Variants in CNTNAP2 observed in about 807,000 individuals in gnomAD.
CNTNAP2 encodes the protein contactin-associated protein-like 2.
A neutral mutation model predicts 155.2 loss-of-function variants in CNTNAP2; 98 were observed. The ratio of observed to expected loss-of-function variants is 0.63; its 90% CI spans 0.54 to 0.75. The LOEUF (loss-of-function observed/expected upper bound fraction) is 0.75, where lower values mean the gene tolerates loss of function less well. Ranked by LOEUF, CNTNAP2 falls within the 30% of genes least tolerant of loss-of-function variation. CNTNAP2 has a pLI of 0.00. For synonymous variants in CNTNAP2, 651 were observed against 631.2 expected (o/e 1.03, Z -0.47); for missense variants, 1,727 against 1,688.1 (o/e 1.02, Z -0.40).
At chr7:148,132,498 G>A (rs991325973) in intron 16 of CNTNAP2, among the ~76,000 whole-genome samples, 1 of 151,522 alleles carries the variant, frequency 6.6e-6, no homozygotes, top group Non-Finnish European at 1.5e-5. Context: ...ACACCGCATT[G>A]TATATAGCAC....
At chr7:148,260,740 G>A (rs1414913071) in intron 20 of CNTNAP2, among the ~76,000 whole-genome samples, 5 of 152,218 alleles carry the variant, frequency 3.3e-5, no homozygotes. Context: ...CGTAATGGAG[G>A]CAAAGCTGCC....
At chr7:147,969,014 G>A (rs1394233140) in intron 14 of CNTNAP2, among the ~76,000 whole-genome samples, 1 of 152,120 alleles carries the variant, frequency 6.6e-6, no homozygotes, top group Non-Finnish European at 1.5e-5. Context: ...TTCCTTGTAG[G>A]GTTAAAACAG....
chr7:147,977,924 G>A lies in CNTNAP2; in HGVS notation c.2318G>A (p.Gly773Glu). The A allele has an allele frequency of 6.2e-7, 1 of 1,614,120 alleles. No individual in the cohort carries two copies. The highest frequency in any genetic ancestry group is 1.1e-5 in the South Asian group (1 of 91,086). The change falls in exon 15 of 24, where the codon GGA becomes GAA. Residue 773 changes from glycine to glutamate, a missense_variant. Transcript: ENST00000361727. ...CTGCCAGTGAGCCAAGTGGTGGTTG[G>A]AGATACTGACCGTCAAGGCTCAGAA... ...DHLPVSQVVVGDTDRQGSEAK... is the reference protein window; with the variant it reads ...DHLPVSQVVVEDTDRQGSEAK...
intron 21 of CNTNAP2, among the ~76,000 whole-genome samples, chr7:148,268,385 G>A (rs1283043607): frequency 6.6e-6 from 1 of 152,034 alleles, no homozygotes; most frequent in Admixed American, 6.6e-5. Flanking sequence ...TGGGCGTGGC[G>A]GCTCATGTCT....
intron 1 of CNTNAP2, among the ~76,000 whole-genome samples, chr7:146,358,920 G>T (rs1018070693): frequency 2.6e-5 from 4 of 152,160 alleles, no homozygotes; most frequent in African/African-American, 9.7e-5. Flanking sequence ...AAAATCAGGG[G>T]CTTGATACAT....
At chr7:147,701,572 GC>G (rs1796236757) in intron 13 of CNTNAP2, among the ~76,000 whole-genome samples, 1 of 152,036 alleles carries the variant, frequency 6.6e-6, no homozygotes, top group Admixed American at 6.6e-5. Flanking sequence ...TCTTCTAACG[GC>G]TTTTTTCATA....
chr7:146,498,031 TAGTA>T (rs1030765698), intron 1 of CNTNAP2, among the ~76,000 whole-genome samples: 1 of 152,020 alleles, frequency 6.6e-6, no homozygotes, highest in African/African-American at 2.4e-5. Context: ...AACTCACAGT[TAGTA>T]AGAGAAGTTA....
At chr7:147,220,575 T>G (rs1803375533) in intron 8 of CNTNAP2, among the ~76,000 whole-genome samples, 1 of 152,234 alleles carries the variant, frequency 6.6e-6, no homozygotes, top group South Asian at 2.1e-4. Context: ...GATTAATATT[T>G]AGTACTGCTT....
At chr7:146,246,426 TGA>T (rs768013012) in intron 1 of CNTNAP2, among the ~76,000 whole-genome samples, 3 of 148,416 alleles carry the variant, frequency 2.0e-5, no homozygotes, top group East Asian at 3.9e-4. Flanking sequence ...TAAGTTGGCA[TGA>T]GAGTGGGGGT....
At chr7:147,607,383 T>C (rs560389422) in intron 12 of CNTNAP2, among the ~76,000 whole-genome samples, 90 of 151,808 alleles carry the variant, frequency 5.9e-4, no homozygotes, top group Non-Finnish European at 8.7e-4. Flanking sequence ...TTCCTTTCTC[T>C]TTCTCTTTCT....
chr7:146,401,112 A>G (rs1795707629), intron 1 of CNTNAP2, among the ~76,000 whole-genome samples: 1 of 152,204 alleles, frequency 6.6e-6, no homozygotes, highest in South Asian at 2.1e-4. Flanking sequence ...ATTTCATTGC[A>G]CACCTAGGAC....
At chr7:146,265,126 ATG>A (rs898822832) in intron 1 of CNTNAP2, among the ~76,000 whole-genome samples, 3 of 152,192 alleles carry the variant, frequency 2.0e-5, no homozygotes, top group Non-Finnish European at 4.4e-5. Flanking sequence ...CTTAAAAAAT[ATG>A]TGTGTCTGTG....
chr7:146,747,475 A>T (rs1261708322), intron 1 of CNTNAP2, among the ~76,000 whole-genome samples: 1 of 152,122 alleles, frequency 6.6e-6, no homozygotes, highest in Non-Finnish European at 1.5e-5. Context: ...CTTAAGGAGG[A>T]AAAATGTCTG....
At position 147,066,239 on chromosome 7, in the gene CNTNAP2, C is replaced by T. The variant is rs73467092; in HGVS notation, c.550+22185C>T. Among the ~76,000 whole-genome samples the T allele has an allele frequency of 5.0e-3, 755 of 152,288 alleles. 6 individuals carry two copies. The highest frequency in any genetic ancestry group is 0.017 in the African/African-American group (712 of 41,562). On this transcript the variant is annotated intron_variant, in intron 4 of 23. Transcript: ENST00000361727. ...GAAGATGCTGGTAGACTGTAACTTT[C>T]AGCAGATCGTCGTCAGTTCTAAGGT...
intron 13 of CNTNAP2, among the ~76,000 whole-genome samples, chr7:147,778,115 C>T (rs943231510): frequency 7.9e-5 from 12 of 152,118 alleles, no homozygotes; most frequent in East Asian, 1.9e-4. Context: ...ACTCATGCTT[C>T]GGCATAAAGT....
At chr7:147,308,037 G>C (rs1795062879) in intron 9 of CNTNAP2, among the ~76,000 whole-genome samples, 1 of 152,176 alleles carries the variant, frequency 6.6e-6, no homozygotes, top group African/African-American at 2.4e-5. Context: ...GGGACAGGAA[G>C]TTCTTGGGAG....
At chr7:147,158,844 C>T (rs11761962) in intron 8 of CNTNAP2, among the ~76,000 whole-genome samples, 49,967 of 151,842 alleles carry the variant, frequency 0.33, 9,465 homozygotes, top group East Asian at 0.55. Flanking sequence ...AAACAGGCTC[C>T]CTGAGCAGAA....
intron 1 of CNTNAP2, among the ~76,000 whole-genome samples, chr7:146,404,518 T>C (rs1278428339): frequency 1.3e-5 from 2 of 152,220 alleles, no homozygotes; most frequent in East Asian, 3.8e-4. Flanking sequence ...CATCTCATTT[T>C]TTTCCTCCTC....
chr7:147,070,647 A>C (rs554465634), intron 4 of CNTNAP2, among the ~76,000 whole-genome samples: 1 of 152,184 alleles, frequency 6.6e-6, no homozygotes, highest in Non-Finnish European at 1.5e-5. Flanking sequence ...TTGTCATTAA[A>C]CTGAAAGAGT....
Sources: gnomAD v4.1 joint callset for allele counts (sites outside exome capture counted in the v4.1 genomes callset) on GRCh38, gnomAD v4.1.1 for gene constraint, MANE v1.5 for transcripts, NCBI Gene and HGNC (gene_info 2026-07-23, HGNC 2026-07-21) for gene names.